The following PARD3 variants were observed in gnomAD, a reference collection of about 807,000 sequenced individuals.
PARD3 encodes par-3 family cell polarity regulator, also known as partitioning defective 3 homolog.
PARD3 carries 75 observed loss-of-function variants against 155.4 expected under a neutral mutation model. The observed-to-expected ratio is 0.48, with a 90% CI of 0.40 to 0.58. The LOEUF (loss-of-function observed/expected upper bound fraction) is 0.58. PARD3 is among the 20% of genes least tolerant of loss of function. The pLI, the probability that PARD3 is intolerant of heterozygous loss-of-function variation, is 0.00. For synonymous variants in PARD3, 576 were observed against 610.5 expected (o/e 0.94, Z 0.83); for missense variants, 1,642 against 1,721.7 (o/e 0.95, Z 0.82).
intron 2 of PARD3, among the ~76,000 whole-genome samples, chr10:34,694,917 T>C (rs559867615): frequency 2.0e-5 from 3 of 152,246 alleles, no homozygotes; most frequent in South Asian, 4.2e-4. Flanking sequence ...AACAGCTGTG[T>C]GCACCCAGCT....
chr10:34,723,280 C>T (rs577983965), intron 1 of PARD3, among the ~76,000 whole-genome samples: 8 of 152,178 alleles, frequency 5.3e-5, no homozygotes, highest in Admixed American at 3.3e-4. Context: ...GGCAACAGAG[C>T]GAGGCTCTGT....
At chr10:34,343,244 C>T (rs752466780) in intron 15 of PARD3, 29 of 759,388 alleles carry the variant, frequency 3.8e-5, no homozygotes, top group Non-Finnish European at 4.3e-5. Flanking sequence ...AATACTCACA[C>T]GGGCATAATT....
chr10:34,780,407 A>G (rs1840104773), intron 1 of PARD3, among the ~76,000 whole-genome samples: 1 of 152,234 alleles, frequency 6.6e-6, no homozygotes, highest in Non-Finnish European at 1.5e-5. Flanking sequence ...AATAAGGTGC[A>G]TAAGCACCTC....
intron 4 of PARD3, among the ~76,000 whole-genome samples, chr10:34,461,754 G>C (rs1322839030): frequency 6.6e-6 from 1 of 152,068 alleles, no homozygotes; most frequent in Non-Finnish European, 1.5e-5. Flanking sequence ...AAGACAATCA[G>C]GTATAACATA....
At position 34,389,239 on chromosome 10, in the gene PARD3, T is replaced by TAAAAAAAAAAAA. The variant is rs57615675; in HGVS notation, c.891-4997_891-4986dup. Among the ~76,000 whole-genome samples the TAAAAAAAAAAAA allele has an allele frequency of 4.9e-4, 32 of 65,850 alleles. 4 individuals are homozygous for TAAAAAAAAAAAA. Among genetic ancestry groups the TAAAAAAAAAAAA allele is most frequent in the African/African-American group, 2.1e-3 (29 of 13,798 alleles). The allele number at this position is 65,850 out of a possible 152,430, so 43.2% of individuals were successfully genotyped here. Reference sequence around the variant, plus strand: ...GACTTCGTTTTTGAACAATGTTTCTTAAAAAAAAAAAAAAAAAAAAAAAAA... The same window carrying TAAAAAAAAAAAA: ...GACTTCGTTTTTGAACAATGTTTCTTAAAAAAAAAAAAAAAAAAAAAAAAAAAAAAAAAAAAA... On this transcript the variant is annotated intron_variant, in intron 7 of 24. Transcript: ENST00000374788.
intron 5 of PARD3, among the ~76,000 whole-genome samples, chr10:34,430,950 A>T (rs947322913): frequency 5.9e-5 from 9 of 152,254 alleles, no homozygotes; most frequent in African/African-American, 2.2e-4. Flanking sequence ...CATGTAGGTC[A>T]TGTGATAAAA....
chr10:34,145,201 ATATATATATATATATATATATTTT>A (rs1277160139), intron 22 of PARD3, among the ~76,000 whole-genome samples: 1 of 59,068 alleles, frequency 1.7e-5, no homozygotes, highest in African/African-American at 9.2e-5. Context: ...ATATATATAT[ATATATATATATATATATATATTTT>A]TTTTTTTTTT....
intron 22 of PARD3, among the ~76,000 whole-genome samples, chr10:34,221,199 C>CGTGCATG (rs1952265617): frequency 1.3e-5 from 2 of 152,172 alleles, no homozygotes; most frequent in African/African-American, 4.8e-5. Context: ...TAAAGGCGCA[C>CGTGCATG]GTGCATGGTG....
intron 5 of PARD3, among the ~76,000 whole-genome samples, chr10:34,403,051 G>A (rs1415128909): frequency 1.3e-5 from 2 of 152,128 alleles, no homozygotes; most frequent in Non-Finnish European, 2.9e-5. Flanking sequence ...ACACAATGAT[G>A]GAGGCATAGT....
intron 1 of PARD3, among the ~76,000 whole-genome samples, chr10:34,774,720 T>C (rs1359662960): frequency 4.2e-5 from 4 of 95,408 alleles, no homozygotes; most frequent in Non-Finnish European, 8.2e-5. Flanking sequence ...CAATAAAACA[T>C]CCTTCTCACA....
At chr10:34,753,523 T>C (rs968781722) in intron 1 of PARD3, among the ~76,000 whole-genome samples, 4 of 152,230 alleles carry the variant, frequency 2.6e-5, no homozygotes, top group African/African-American at 9.6e-5. Context: ...ACACAGAAAG[T>C]AGCTCATGTT....
At chr10:34,673,984 C>CAAAAAA (rs200637507) in intron 2 of PARD3, among the ~76,000 whole-genome samples, 1 of 117,192 alleles carries the variant, frequency 8.5e-6, no homozygotes, top group Non-Finnish European at 1.7e-5. Context: ...GAGTCTGCAT[C>CAAAAAA]AAAAAAAAAA....
Position 34,560,431 on chromosome 10 carries a change from G to C in PARD3, c.223-43272C>G, listed in dbSNP as rs139670170. 6.7e-3 allele frequency among the ~76,000 whole-genome samples: 1,022 copies of C among 152,048 alleles called. 10 individuals carry two copies. The highest frequency in any genetic ancestry group is 0.023 in the African/African-American group (936 of 41,396). On this transcript the variant is annotated intron_variant, in intron 2 of 24. Coordinates refer to ENST00000374788, the MANE Select transcript of PARD3 (RefSeq NM_001184785.2). ...TCATTCTAATATTTGACGAGTTCAG[G>C]GGGTTGTTACATGTGAAGGACTTGA...
chr10:34,564,091 G>T (rs1054144005), intron 2 of PARD3, among the ~76,000 whole-genome samples: 1 of 152,152 alleles, frequency 6.6e-6, no homozygotes, highest in African/African-American at 2.4e-5. Flanking sequence ...GCAGTTACTT[G>T]TTCTAGCACC....
chr10:34,238,534 A>G (rs1370621418), intron 22 of PARD3, among the ~76,000 whole-genome samples: 1 of 152,220 alleles, frequency 6.6e-6, no homozygotes, highest in African/African-American at 2.4e-5. Context: ...GGGGTCCCAG[A>G]CAAAGAAGCT....
chr10:34,362,362 T>C (rs905426213), intron 12 of PARD3, among the ~76,000 whole-genome samples: 4 of 152,074 alleles, frequency 2.6e-5, no homozygotes, highest in Non-Finnish European at 2.9e-5. Context: ...ATAAAACCAA[T>C]GTATTGTGGG....
chr10:34,408,851 A>G (rs1206688147), intron 5 of PARD3, among the ~76,000 whole-genome samples: 3 of 132,250 alleles, frequency 2.3e-5, no homozygotes, highest in Non-Finnish European at 5.4e-5. Context: ...TAATAATATA[A>G]TAATATATAG....
chr10:34,506,563 G>C (rs2081078168), intron 3 of PARD3, among the ~76,000 whole-genome samples: 2 of 152,142 alleles, frequency 1.3e-5, no homozygotes. Flanking sequence ...TAAATGACAT[G>C]ATACACTGAA....
At chr10:34,424,546 G>A (rs1287356789) in intron 5 of PARD3, among the ~76,000 whole-genome samples, 2 of 151,984 alleles carry the variant, frequency 1.3e-5, no homozygotes, top group Admixed American at 1.3e-4. Context: ...ACAGAGTCTT[G>A]CTCTGTCACC....
Sources: allele counts gnomAD v4.1 joint callset (sites outside exome capture counted in the v4.1 genomes callset), GRCh38; gene constraint gnomAD v4.1.1; transcripts MANE v1.5; gene names NCBI Gene and HGNC (gene_info 2026-07-23, HGNC 2026-07-21).